Variants in FTO observed in about 807,000 individuals in gnomAD.
The protein encoded by FTO is alpha-ketoglutarate-dependent dioxygenase FTO.
In FTO, 47 loss-of-function variants were observed where a neutral mutation model predicts 63.9. The observed-to-expected ratio is 0.74, with a 90% CI of 0.58 to 0.94. The LOEUF (loss-of-function observed/expected upper bound fraction) is 0.94, where lower values mean the gene tolerates loss of function less well. FTO is among the 40% of genes least tolerant of loss of function. The probability of loss-of-function intolerance (pLI) is 0.00; values close to 1 mark genes in which losing one functional copy is unlikely to be tolerated. For synonymous variants in FTO, 207 were observed against 224.4 expected, an observed-to-expected ratio of 0.92 and a Z score of 0.69; for missense variants, 562 against 618.1, an observed-to-expected ratio of 0.91 and a Z score of 0.96.
intron 8 of FTO, among the ~76,000 whole-genome samples, chr16:54,060,130 G>T (rs756505471): frequency 6.6e-6 from 1 of 152,066 alleles, no homozygotes; most frequent in Non-Finnish European, 1.5e-5. Context: ...ACTTGATAAC[G>T]TGACCATTTC....
At chr16:53,767,989 C>G (rs778259357) in intron 1 of FTO, among the ~76,000 whole-genome samples, 1 of 152,060 alleles carries the variant, frequency 6.6e-6, no homozygotes, top group Admixed American at 6.6e-5. Flanking sequence ...TAATATAATG[C>G]CTGACACATA....
At chr16:54,095,437 A>G (rs1373914862) in intron 8 of FTO, among the ~76,000 whole-genome samples, 4 of 133,160 alleles carry the variant, frequency 3.0e-5, no homozygotes, top group Non-Finnish European at 4.8e-5. Flanking sequence ...CTCTCTATTC[A>G]CTCTTTTTTT....
At chr16:54,049,116 C>G (rs1306286314) in intron 8 of FTO, among the ~76,000 whole-genome samples, 1 of 151,992 alleles carries the variant, frequency 6.6e-6, no homozygotes, top group Non-Finnish European at 1.5e-5. Context: ...AAGAAAGGTA[C>G]TTAGATAAAG....
At chr16:53,848,596 G>GA (rs1445721557) in intron 4 of FTO, among the ~76,000 whole-genome samples, 1 of 150,934 alleles carries the variant, frequency 6.6e-6, no homozygotes, top group African/African-American at 2.4e-5. Context: ...CACACTCAGA[G>GA]AAAAAAAAAT....
intron 1 of FTO, among the ~76,000 whole-genome samples, chr16:53,783,769 C>CA (rs1210333493): frequency 6.6e-6 from 1 of 151,762 alleles, no homozygotes; most frequent in Non-Finnish European, 1.5e-5. Context: ...GCCTGGGTGA[C>CA]AGAGTGAGAC....
intron 3 of FTO, among the ~76,000 whole-genome samples, chr16:53,827,260 G>A (rs1328543146): frequency 1.3e-5 from 2 of 152,082 alleles, no homozygotes; most frequent in African/African-American, 4.8e-5. Context: ...TGTGTTTATG[G>A]CCCTCATTTT....
intron 1 of FTO, among the ~76,000 whole-genome samples, chr16:53,744,833 C>T (rs968225846): frequency 2.8e-4 from 21 of 74,728 alleles, no homozygotes; most frequent in Non-Finnish European, 4.1e-4. Context: ...CTTCCCCCCC[C>T]CCATATATGA....
At chr16:53,928,784 A>G (rs1004350842) in intron 7 of FTO, among the ~76,000 whole-genome samples, 1 of 152,166 alleles carries the variant, frequency 6.6e-6, no homozygotes, top group Non-Finnish European at 1.5e-5. Context: ...AAATTTACAT[A>G]CAATAAAATT....
At chr16:53,857,812 C>G (rs1008061190) in intron 4 of FTO, among the ~76,000 whole-genome samples, 2 of 152,128 alleles carry the variant, frequency 1.3e-5, no homozygotes, top group Non-Finnish European at 2.9e-5. Flanking sequence ...AACCTGGATT[C>G]CTTTGCTCTT....
intron 1 of FTO, among the ~76,000 whole-genome samples, chr16:53,739,811 T>G (rs1013573092): frequency 5.3e-5 from 8 of 152,136 alleles, no homozygotes; most frequent in African/African-American, 1.9e-4. Flanking sequence ...GTGTTTGAAA[T>G]GATTACTCTG....
intron 7 of FTO, among the ~76,000 whole-genome samples, chr16:53,921,493 C>T (rs376514999): frequency 2.6e-5 from 4 of 152,242 alleles, no homozygotes; most frequent in East Asian, 1.9e-4. Context: ...GTTAGGACAA[C>T]GAACAGATTA....
intron 8 of FTO, among the ~76,000 whole-genome samples, chr16:53,971,010 G>A (rs1301519940): frequency 1.3e-5 from 2 of 152,116 alleles, no homozygotes; most frequent in African/African-American, 4.8e-5. Flanking sequence ...TTCCCTTTGG[G>A]TCTTTATTTA....
At chr16:53,852,315 T>C (rs904907378) in intron 4 of FTO, among the ~76,000 whole-genome samples, 17 of 152,106 alleles carry the variant, frequency 1.1e-4, no homozygotes, top group African/African-American at 4.1e-4. Flanking sequence ...ATTATGGAAT[T>C]AGTGCTCTGA....
intron 7 of FTO, among the ~76,000 whole-genome samples, chr16:53,908,763 T>A (rs189228472): frequency 9.3e-4 from 141 of 152,304 alleles, no homozygotes; most frequent in Non-Finnish European, 1.4e-3. Flanking sequence ...CCAGGAGGTT[T>A]TCTGGCCCAG....
intron 8 of FTO, among the ~76,000 whole-genome samples, chr16:54,073,810 A>G (rs187161171): frequency 1.7e-4 from 26 of 152,252 alleles, no homozygotes; most frequent in African/African-American, 6.0e-4. Context: ...TTCATTCTAT[A>G]GATTTAAAGA....
At chr16:53,931,744 G>A (rs1219832064) in intron 7 of FTO, among the ~76,000 whole-genome samples, 5 of 152,136 alleles carry the variant, frequency 3.3e-5, no homozygotes, top group Non-Finnish European at 7.4e-5. Flanking sequence ...TTTTAGATTA[G>A]AGATCACAAA....
chr16:53,763,632 A>C lies in FTO; in HGVS notation c.46-46508A>C, dbSNP rs1051914615. ...TGACCCTATGATTATAGTGACCTAAATTGGCAAGTTTCTGTCACTTATAAA... is the reference window on the plus strand; with the variant it reads ...TGACCCTATGATTATAGTGACCTAACTTGGCAAGTTTCTGTCACTTATAAA... On this transcript the variant is annotated intron_variant, in intron 1 of 8. Transcript: ENST00000471389. Among the ~76,000 whole-genome samples the C allele has an allele frequency of 2.0e-5, 3 of 152,198 alleles. No individual in the cohort carries two copies. The East Asian group carries it at 5.8e-4, about 29-fold the overall frequency.
intron 7 of FTO, among the ~76,000 whole-genome samples, chr16:53,924,173 G>A (rs913260463): frequency 6.6e-6 from 1 of 152,070 alleles, no homozygotes; most frequent in African/African-American, 2.4e-5. Context: ...CAAGCATTTT[G>A]TGTATGCTGA....
At chr16:53,729,541 T>C (rs771400613) in intron 1 of FTO, among the ~76,000 whole-genome samples, 1 of 151,724 alleles carries the variant, frequency 6.6e-6, no homozygotes, top group East Asian at 1.9e-4. Flanking sequence ...GTCACTCCAC[T>C]GTTCACAATT....
Sources: gnomAD v4.1 joint callset for allele counts (sites outside exome capture counted in the v4.1 genomes callset) on GRCh38, gnomAD v4.1.1 for gene constraint, MANE v1.5 for transcripts, NCBI Gene and HGNC (gene_info 2026-07-23, HGNC 2026-07-21) for gene names.